Variants in EPRS1 observed in about 807,000 individuals in gnomAD.
EPRS1 encodes the protein glutamyl-prolyl-tRNA synthetase 1.
Under a neutral mutation model 188.3 loss-of-function variants are expected in EPRS1, and 107 were observed. That is an observed-to-expected ratio of 0.57 (90% CI 0.49 to 0.67). The LOEUF is 0.67. Among genes scored for constraint, EPRS1 ranks in the 30% least tolerant of loss-of-function variants. EPRS1 has a pLI of 0.00. For missense variants in EPRS1, 1,577 were observed against 1,802.2 expected (o/e 0.88, Z 2.26); for synonymous variants, 596 against 593.1 (o/e 1.00, Z -0.07).
chr1:220,016,376 G>A (rs1410361742), intron 12 of EPRS1, among the ~76,000 whole-genome samples: 3 of 144,076 alleles, frequency 2.1e-5, no homozygotes, highest in Non-Finnish European at 3.0e-5. Flanking sequence ...AAAAGAGTAC[G>A]CAGGGGTGGG....
At chr1:220,004,610 T>C (rs1661422779) in intron 16 of EPRS1, among the ~76,000 whole-genome samples, 1 of 152,120 alleles carries the variant, frequency 6.6e-6, no homozygotes, top group African/African-American at 2.4e-5. Context: ...AGATGACACC[T>C]AGATCCTGGA....
intron 14 of EPRS1, among the ~76,000 whole-genome samples, chr1:220,006,690 A>G (rs770876890): frequency 6.6e-6 from 1 of 152,204 alleles, no homozygotes; most frequent in Non-Finnish European, 1.5e-5. Context: ...AATCATATGT[A>G]ATAACTACGC....
At chr1:220,027,346 T>C (rs1049519592) in intron 6 of EPRS1, among the ~76,000 whole-genome samples, 2 of 151,768 alleles carry the variant, frequency 1.3e-5, no homozygotes, top group African/African-American at 4.8e-5. Flanking sequence ...GAGAATGGCG[T>C]GAACCCGGGA....
chr1:219,995,650 A>G lies in EPRS1; in HGVS notation c.2541+1333T>C, dbSNP rs74579847. On this transcript the variant is annotated intron_variant, in intron 18 of 31. Coordinates refer to ENST00000366923, the MANE Select transcript of EPRS1 (RefSeq NM_004446.3). ...TGCAAAAGTAACTGTGGTTTTTGCC[A>G]TTAAAAGTAATGGTAAGAACCGCAA... 5.3e-3 allele frequency among the ~76,000 whole-genome samples: 813 copies of G among 152,322 alleles called. 7 individuals are homozygous for G. Among genetic ancestry groups the G allele is most frequent in the African/African-American group, 0.019 (788 of 41,578 alleles).
chr1:219,991,828 A>G (rs1469181657), intron 18 of EPRS1, among the ~76,000 whole-genome samples: 1 of 152,210 alleles, frequency 6.6e-6, no homozygotes, highest in East Asian at 1.9e-4. Flanking sequence ...TTTCTCTGAT[A>G]CAAATCAATT....
intron 28 of EPRS1, 36 bp downstream of exon 28, chr1:219,978,510 G>C: frequency 6.8e-7 from 1 of 1,470,608 alleles, no homozygotes; most frequent in Non-Finnish European, 9.2e-7. Flanking sequence ...TCAAATTGCA[G>C]ATGTTGGGGG....
At chr1:220,013,748 C>T (rs986687627) in intron 12 of EPRS1, among the ~76,000 whole-genome samples, 1 of 152,092 alleles carries the variant, frequency 6.6e-6, no homozygotes, top group East Asian at 1.9e-4. Flanking sequence ...GGGGTATGTA[C>T]CTCAAGAGTT....
chr1:220,016,636 CT>C (rs1200718915), intron 12 of EPRS1, among the ~76,000 whole-genome samples: 16 of 116,910 alleles, frequency 1.4e-4, no homozygotes, highest in South Asian at 5.8e-4. Context: ...CTAGGCTGGT[CT>C]CAAAATCCCA....
intron 28 of EPRS1, among the ~76,000 whole-genome samples, chr1:219,975,355 G>C (rs769734173): frequency 1.3e-5 from 2 of 152,174 alleles, no homozygotes; most frequent in Non-Finnish European, 2.9e-5. Context: ...AGGATAATTT[G>C]AGCTAGGCTT....
At chr1:220,020,872 T>A (rs1370652613) in intron 9 of EPRS1, among the ~76,000 whole-genome samples, 2 of 108,890 alleles carry the variant, frequency 1.8e-5, no homozygotes, top group Non-Finnish European at 4.0e-5. Flanking sequence ...ATATATATAT[T>A]AGTGCATTAT....
chr1:219,988,873 G>T, intron 18 of EPRS1, 50 bp from the exon 19 acceptor site: 1 of 1,219,118 alleles, frequency 8.2e-7, no homozygotes, highest in Non-Finnish European at 1.2e-6. Context: ...GAAATTTCTG[G>T]AAATTTCAAT....
In EPRS1 at chr1:220,037,503, T is replaced by A. The variant is rs145149750; in HGVS notation, c.132-2490A>T. On this transcript the variant is annotated intron_variant, in intron 2 of 31. Coordinates refer to ENST00000366923, the MANE Select transcript of EPRS1 (RefSeq NM_004446.3). ...CTGGGCAACACAGCAAGACTCCATC[T>A]CCAAAAAAAAAAAAAAAAAAAATAG... Among the ~76,000 whole-genome samples, 553 of 94,398 alleles carry A rather than the reference T, an allele frequency of 5.9e-3. 1 individual carries two copies. Among genetic ancestry groups the A allele is most frequent in the African/African-American group, 0.024 (522 of 22,144 alleles). 61.9% of individuals were successfully genotyped at this position (94,398 alleles called of 152,430 possible).
At chr1:219,980,905 T>G in intron 24 of EPRS1, 48 bp from the exon 25 acceptor site, 1 of 21,236 alleles carries the variant, frequency 4.7e-5, no homozygotes, top group East Asian at 5.6e-3. Context: ...AGCTTTTCAA[T>G]TTTTTTTTTT....
At position 219,978,944 on chromosome 1, in the gene EPRS1, GTGTATA is replaced by G. The variant is rs1204486945; in HGVS notation, c.3910-231_3910-226del. The stretch of plus-strand genomic sequence containing the variant: ...CACTTAATCTATTTTTCATATGTGT[GTGTATA>G]TATATATATATATATTTTTTTTTCC... On this transcript the variant is annotated intron_variant, in intron 27 of 31. Coordinates refer to ENST00000366923, the MANE Select transcript of EPRS1 (RefSeq NM_004446.3). Among the ~76,000 whole-genome samples, 338 of 108,842 alleles carry G rather than the reference GTGTATA, an allele frequency of 3.1e-3. 1 individual carries two copies. The highest frequency in any genetic ancestry group is 9.5e-3 in the African/African-American group (294 of 30,838). The allele number at this position is 108,842 out of a possible 152,430, so 71.4% of individuals were successfully genotyped here. A position where few individuals can be genotyped will look rare whatever the true frequency, so the allele number is the denominator to read the frequency against.
chr1:220,034,944 TA>T lies in EPRS1; in HGVS notation c.200del (p.Leu67TyrfsTer6). On this transcript the variant is annotated frameshift_variant, in exon 3 of 32. Transcript: ENST00000366923. LOFTEE classifies it high-confidence loss of function. ...YLARVATTAGLYGSNLMEHTE... is the reference protein window; with the variant it reads ...YLARVATTAGXYGSNLMEHTE... ...TATGTTCCATCAGATTAGAGCCATA[TA>T]ACCCAGCTGTAGTTGCAACTCTAGC... 6.2e-7 allele frequency: 1 copy of T among 1,603,580 alleles called. No homozygotes were observed. Among genetic ancestry groups the T allele is most frequent in the Non-Finnish European group, 8.5e-7 (1 of 1,171,500 alleles).
rs1482968356 is a variant in EPRS1 at position 219,979,457 on chromosome 1, G to A, written c.3870C>T (p.Asn1290=). Residue 1290 remains asparagine, a synonymous_variant, in exon 27 of 32, where the codon AAC becomes AAT. Coordinates refer to ENST00000366923, the MANE Select transcript of EPRS1 (RefSeq NM_004446.3). The stretch of plus-strand genomic sequence containing the variant: ...CACGGGGTGGTAATACTAAACCCAT[G>A]TTGTCCCCATGAACCATGGTCATAA... ...IGVMTMVHGD[N]MGLVLPPRVA... 2 of 1,613,894 alleles carry A rather than the reference G, an allele frequency of 1.2e-6. No homozygotes were observed. Among genetic ancestry groups the A allele is most frequent in the Admixed American group, 1.7e-5 (1 of 59,996 alleles).
chr1:219,986,785 G>A (rs1661014434), intron 20 of EPRS1, among the ~76,000 whole-genome samples: 1 of 150,540 alleles, frequency 6.6e-6, no homozygotes, highest in South Asian at 2.1e-4. Flanking sequence ...AAATATGTAT[G>A]TGTGTGTGTG....
intron 28 of EPRS1, among the ~76,000 whole-genome samples, chr1:219,976,665 C>T (rs1660787642): frequency 6.6e-6 from 1 of 151,852 alleles, no homozygotes. Context: ...ATTTTACAAC[C>T]CAGGTAGAAG....
chr1:220,015,925 G>A (rs1661700825), intron 12 of EPRS1, among the ~76,000 whole-genome samples: 1 of 152,066 alleles, frequency 6.6e-6, no homozygotes, highest in South Asian at 2.1e-4. Flanking sequence ...GAAACCAATG[G>A]GCCATGAATC....
Sources: gnomAD v4.1 joint callset for allele counts (sites outside exome capture counted in the v4.1 genomes callset) on GRCh38, gnomAD v4.1.1 for gene constraint, MANE v1.5 for transcripts, NCBI Gene and HGNC (gene_info 2026-07-23, HGNC 2026-07-21) for gene names.